The following AK3 variants were observed in gnomAD, a reference collection of about 807,000 sequenced individuals.
AK3 encodes adenylate kinase 3, also known as GTP:AMP phosphotransferase AK3, mitochondrial.
AK3 carries 27 observed loss-of-function variants against 23.7 expected under a neutral mutation model. The observed-to-expected ratio is 1.14, with a 90% confidence interval of 0.84 to 1.57. The LOEUF is 1.57. Among genes scored for constraint, AK3 ranks in the 40% most tolerant of loss-of-function variants. The pLI is 0.00. For missense variants in AK3, 406 were observed against 285.6 expected (o/e 1.42, Z -3.04); for synonymous variants, 159 against 116.0 (o/e 1.37, Z -2.38).
chr9:4,730,945 A>T (rs760587452), intron 1 of AK3, among the ~76,000 whole-genome samples: 1 of 152,092 alleles, frequency 6.6e-6, no homozygotes, highest in Non-Finnish European at 1.5e-5. Flanking sequence ...TTGCTCTGTG[A>T]ACTTCCACTT....
chr9:4,717,930 G>A (rs180721258), intron 4 of AK3, among the ~76,000 whole-genome samples: 1 of 152,348 alleles, frequency 6.6e-6, no homozygotes, highest in Admixed American at 6.5e-5. Flanking sequence ...AACTCTAGAA[G>A]TGGACTAGTC....
At position 4,712,786 on chromosome 9, in the gene AK3, T is replaced by G. The variant is rs977308198; in HGVS notation, c.*190A>C. On this transcript the variant is annotated 3_prime_UTR_variant, in exon 5 of 5. Coordinates refer to ENST00000381809, the MANE Select transcript of AK3 (RefSeq NM_016282.4). ...AACTGCATACAACACACTAGATGATTTCAAACGATGCATCTTAGTATCCGA... is the reference window on the plus strand; with the variant it reads ...AACTGCATACAACACACTAGATGATGTCAAACGATGCATCTTAGTATCCGA... The G allele has an allele frequency of 8.5e-6, 5 of 586,992 alleles. No homozygotes were observed. The African/African-American group carries it at 9.3e-5, about 11-fold the overall frequency. 36.4% of individuals were successfully genotyped at this position (586,992 alleles called of 1,614,324 possible). A position where few individuals can be genotyped will look rare whatever the true frequency, so the allele number is the denominator to read the frequency against.
chr9:4,718,107 C>T (rs1244503688), intron 4 of AK3, among the ~76,000 whole-genome samples: 4 of 152,182 alleles, frequency 2.6e-5, no homozygotes, highest in Admixed American at 2.6e-4. Context: ...ACCCCTCAGC[C>T]CTTCATAGAA....
In AK3 at chr9:4,710,426, A is replaced by T. The variant is rs890347678; in HGVS notation, c.*2550T>A. 9.4e-6 allele frequency: 1 copy of T among 106,818 alleles called. No homozygotes were observed. Among genetic ancestry groups the T allele is most frequent in the Non-Finnish European group, 2.2e-5 (1 of 44,768 alleles). 6.6% of individuals were successfully genotyped at this position (106,818 alleles called of 1,614,324 possible). ...AGTAGAGACGGGGTTTCACCGTGTT[A>T]GCCAGGATGGTCTCGATCTCCTGAC... is the stretch of plus-strand genomic sequence containing the variant. On this transcript the variant is annotated 3_prime_UTR_variant, in exon 5 of 5. Transcript: ENST00000381809.
At chr9:4,718,329 A>G in intron 4 of AK3, 90 bp downstream of exon 4, 1 of 947,362 alleles carries the variant, frequency 1.1e-6, no homozygotes, top group Non-Finnish European at 1.7e-6. Context: ...GTCTTTTGGC[A>G]TTTTAGCATT....
intron 1 of AK3, among the ~76,000 whole-genome samples, chr9:4,736,454 T>C (rs889464968): frequency 3.0e-5 from 4 of 132,634 alleles, no homozygotes; most frequent in African/African-American, 1.1e-4. Context: ...CTATTACAAA[T>C]TAAATGTTTT....
chr9:4,711,795 TTC>T lies in AK3; in HGVS notation c.*1179_*1180del. ...GGCTGCTCAGACGACACCAATAGAG[TTC>T]TTTCTCCTTAAAATATGGTGGCAGT... On this transcript the variant is annotated 3_prime_UTR_variant, in exon 5 of 5. Transcript: ENST00000381809. 1 of 152,244 alleles carries T rather than the reference TTC, an allele frequency of 6.6e-6. No individual in the cohort carries two copies. Among genetic ancestry groups the T allele is most frequent in the Non-Finnish European group, 1.5e-5 (1 of 68,016 alleles). 9.4% of individuals were successfully genotyped at this position (152,244 alleles called of 1,614,324 possible).
intron 4 of AK3, among the ~76,000 whole-genome samples, chr9:4,717,385 A>G (rs1456922899): frequency 6.6e-6 from 1 of 152,136 alleles, no homozygotes; most frequent in Non-Finnish European, 1.5e-5. Flanking sequence ...ACAAAACAAG[A>G]GCAGACAAAA....
At chr9:4,722,793 A>T (rs1841935053) in intron 1 of AK3, among the ~76,000 whole-genome samples, 168 bp from the exon 2 acceptor site, 1 of 152,246 alleles carries the variant, frequency 6.6e-6, no homozygotes, top group Middle Eastern at 3.2e-3. Flanking sequence ...ACAGTGGTTC[A>T]TACCTGTAAC....
At chr9:4,727,083 G>A (rs1050145798) in intron 1 of AK3, among the ~76,000 whole-genome samples, 24 of 152,088 alleles carry the variant, frequency 1.6e-4, no homozygotes, top group Admixed American at 3.3e-4. Context: ...GCTATAAACC[G>A]ATGTGCTGTC....
rs1031266685 is a variant in AK3 at position 4,713,193 on chromosome 9, T to C, written c.564-97A>G. Reference sequence around the variant, plus strand: ...TCTGTAAATAATGATATTGTAGATATAGGAGTCTTGGTAAGTATAGATTTG... The same window carrying C: ...TCTGTAAATAATGATATTGTAGATACAGGAGTCTTGGTAAGTATAGATTTG... On this transcript the variant is annotated intron_variant, in intron 4 of 4. Coordinates refer to ENST00000381809, the MANE Select transcript of AK3 (RefSeq NM_016282.4). The C allele has an allele frequency of 1.4e-5, 20 of 1,466,170 alleles. No individual in the cohort carries two copies. In the East Asian group the frequency reaches 1.8e-4, roughly 13 times the overall value. 90.8% of individuals were successfully genotyped at this position (1,466,170 alleles called of 1,614,324 possible). A position where few individuals can be genotyped will look rare whatever the true frequency, so the allele number is the denominator to read the frequency against.
upstream of AK3, chr9:4,741,770 C>G (rs756952154): frequency 6.5e-5 from 10 of 152,944 alleles, no homozygotes; most frequent in African/African-American, 2.2e-4. Flanking sequence ...CCTTGACAAC[C>G]CTGGCCCCAC....
At chr9:4,718,324 T>C (rs1200649513) in intron 4 of AK3, 95 bp downstream of exon 4, 10 of 895,914 alleles carry the variant, frequency 1.1e-5, no homozygotes, top group Non-Finnish European at 1.8e-6. Context: ...ACTGGGTCTT[T>C]TGGCATTTTA....
At chr9:4,739,115 G>A (rs1352171883) in intron 1 of AK3, among the ~76,000 whole-genome samples, 2 of 151,992 alleles carry the variant, frequency 1.3e-5, no homozygotes, top group South Asian at 2.1e-4. Flanking sequence ...ACCAGTAGCA[G>A]TATCTGGGAC....
intron 1 of AK3, among the ~76,000 whole-genome samples, chr9:4,740,467 A>G (rs1842401865): frequency 6.6e-6 from 1 of 152,234 alleles, no homozygotes; most frequent in African/African-American, 2.4e-5. Flanking sequence ...GGTCAGAACT[A>G]CAAGATCTCA....
At position 4,718,543 on chromosome 9, in the gene AK3, C is replaced by G. The variant is rs758722360; in HGVS notation, c.445-6G>C. ...CCAGTCAGGTCATCAATGCCCTAAA[C>G]AGGATTAGAAGAGACTAGTATCAGA... is the stretch of plus-strand genomic sequence containing the variant. On this transcript the variant is annotated splice_region_variant and splice_polypyrimidine_tract_variant and intron_variant, in intron 3 of 4. Coordinates refer to ENST00000381809, the MANE Select transcript of AK3 (RefSeq NM_016282.4). 15 of 1,591,666 alleles carry G rather than the reference C, an allele frequency of 9.4e-6. No individual in the cohort carries two copies. Among genetic ancestry groups the G allele is most frequent in the African/African-American group, 1.3e-5 (1 of 74,594 alleles).
chr9:4,724,695 C>T (rs991959058), intron 1 of AK3, among the ~76,000 whole-genome samples: 7 of 151,918 alleles, frequency 4.6e-5, no homozygotes, highest in Non-Finnish European at 1.0e-4. Flanking sequence ...GGGAAGATTG[C>T]TTGAGCCCAA....
At chr9:4,733,586 C>G (rs1175003304) in intron 1 of AK3, among the ~76,000 whole-genome samples, 1 of 152,210 alleles carries the variant, frequency 6.6e-6, no homozygotes, top group Non-Finnish European at 1.5e-5. Flanking sequence ...GTTCCTCCCG[C>G]TCACCATCAC....
intron 1 of AK3, among the ~76,000 whole-genome samples, chr9:4,725,395 G>C (rs931490811): frequency 2.0e-5 from 3 of 152,054 alleles, no homozygotes; most frequent in Non-Finnish European, 2.9e-5. Flanking sequence ...AAAAAACCAA[G>C]AGCACAACTA....
Sources: gnomAD v4.1 joint callset for allele counts (sites outside exome capture counted in the v4.1 genomes callset) on GRCh38, gnomAD v4.1.1 for gene constraint, MANE v1.5 for transcripts, NCBI Gene and HGNC (gene_info 2026-07-23, HGNC 2026-07-21) for gene names.